The following DLGAP2 variants were observed in gnomAD, a reference collection of about 807,000 sequenced individuals.
The protein encoded by DLGAP2 is disks large-associated protein 2.
DLGAP2 carries 26 observed loss-of-function variants against 100.3 expected under a neutral mutation model. That is an observed-to-expected ratio of 0.26 (90% confidence interval 0.19 to 0.36). The LOEUF is 0.36. DLGAP2 is among the 10% of genes least tolerant of loss of function. DLGAP2 has a pLI of 1.00. For missense variants in DLGAP2, 1,858 were observed against 1,453.2 expected, an observed-to-expected ratio of 1.28 and a Z score of -4.53; for synonymous variants, 886 against 630.1, an observed-to-expected ratio of 1.41 and a Z score of -6.08.
At chr8:789,125 T>C (rs902780602) in intron 1 of DLGAP2, among the ~76,000 whole-genome samples, 1 of 152,230 alleles carries the variant, frequency 6.6e-6, no homozygotes, top group Admixed American at 6.5e-5. Context: ...AAATATTTTC[T>C]CCCTGTCTAG....
chr8:1,676,344 C>T (rs561498142), intron 10 of DLGAP2, among the ~76,000 whole-genome samples, 189 bp from the exon 11 acceptor site: 8 of 152,288 alleles, frequency 5.3e-5, no homozygotes, highest in Middle Eastern at 3.4e-3. Context: ...TGTGATGAGA[C>T]GCAGGAGTGA....
rs1222206392 is a variant in DLGAP2 at position 1,448,244 on chromosome 8, A to C, written c.107-53122A>C. Among the ~76,000 whole-genome samples, 3 of 151,678 alleles carry C rather than the reference A, an allele frequency of 2.0e-5. No homozygotes were observed. The East Asian group carries it at 5.8e-4, about 29-fold the overall frequency. ...CATTTAGTGCGGTAAATTTCCCTCT[A>C]CACACTGCTTTGAATGTGTCCCAGA... On this transcript the variant is annotated intron_variant, in intron 3 of 14. Transcript: ENST00000637795.
At chr8:769,627 C>A (rs536740969) in intron 1 of DLGAP2, among the ~76,000 whole-genome samples, 1 of 152,050 alleles carries the variant, frequency 6.6e-6, no homozygotes, top group African/African-American at 2.4e-5. Flanking sequence ...TCTGTGGTGA[C>A]GTGTTGGGAT....
At chr8:943,491 G>A (rs1462021018) in intron 2 of DLGAP2, among the ~76,000 whole-genome samples, 2 of 152,236 alleles carry the variant, frequency 1.3e-5, no homozygotes, top group African/African-American at 2.4e-5. Context: ...CGGCCATCCC[G>A]CCACAAGCAC....
At chr8:1,468,415 G>T (rs1798688364) in intron 3 of DLGAP2, among the ~76,000 whole-genome samples, 1 of 151,490 alleles carries the variant, frequency 6.6e-6, no homozygotes, top group African/African-American at 2.4e-5. Context: ...CGTGGATCCG[G>T]GCTGGTCCTG....
At chr8:1,293,681 G>A (rs1800108432) in intron 3 of DLGAP2, among the ~76,000 whole-genome samples, 2 of 152,154 alleles carry the variant, frequency 1.3e-5, no homozygotes, top group African/African-American at 4.8e-5. Flanking sequence ...TCAGAAGTCA[G>A]AGGAACAGTG....
chr8:1,619,277 C>G (rs1266721770), intron 6 of DLGAP2, among the ~76,000 whole-genome samples: 6 of 152,302 alleles, frequency 3.9e-5, no homozygotes, highest in Non-Finnish European at 8.8e-5. Context: ...TTGGGATACA[C>G]TTCAATTTCA....
At chr8:804,707 G>A (rs1293140493) in intron 1 of DLGAP2, among the ~76,000 whole-genome samples, 1 of 152,152 alleles carries the variant, frequency 6.6e-6, no homozygotes, top group Non-Finnish European at 1.5e-5. Flanking sequence ...TTTTGATCCA[G>A]CTTAAGTCTT....
chr8:879,283 G>C (rs564074753), intron 1 of DLGAP2, among the ~76,000 whole-genome samples: 1 of 152,186 alleles, frequency 6.6e-6, no homozygotes, highest in Non-Finnish European at 1.5e-5. Context: ...GCAATAATTT[G>C]TGAAGACCAT....
chr8:742,226 A>G (rs1820504888), intron 1 of DLGAP2, among the ~76,000 whole-genome samples: 1 of 152,214 alleles, frequency 6.6e-6, no homozygotes. Context: ...CTTATATGGT[A>G]CATCGTGTGT....
rs546143104 is a variant in DLGAP2 at position 1,501,835 on chromosome 8, A to T, written c.172+404A>T. ...CTCATCTCTCCAGCTGGCCCCACAC[A>T]CTGGGGTCTGGATGCTGAGTATGAC... On this transcript the variant is annotated intron_variant, in intron 4 of 14. Transcript: ENST00000637795. 5.3e-5 allele frequency among the ~76,000 whole-genome samples: 8 copies of T among 152,214 alleles called. No individual in the cohort carries two copies. In the East Asian group the frequency reaches 1.5e-3, roughly 29 times the overall value.
intron 1 of DLGAP2, among the ~76,000 whole-genome samples, chr8:859,194 C>T (rs1001248910): frequency 6.6e-6 from 1 of 151,756 alleles, no homozygotes; most frequent in Non-Finnish European, 1.5e-5. Context: ...TCACTGCAAC[C>T]TCCACCTCCT....
At chr8:1,485,772 C>T (rs1799220806) in intron 3 of DLGAP2, among the ~76,000 whole-genome samples, 1 of 152,210 alleles carries the variant, frequency 6.6e-6, no homozygotes, top group African/African-American at 2.4e-5. Context: ...TGCTTGTAAT[C>T]CCAGCACTTT....
intron 2 of DLGAP2, among the ~76,000 whole-genome samples, chr8:1,082,333 T>C (rs1321366843): frequency 6.6e-6 from 1 of 152,218 alleles, no homozygotes; most frequent in African/African-American, 2.4e-5. Context: ...TTTTACCCCG[T>C]TGAGTCTTCC....
chr8:1,231,115 G>A (rs1798525864), intron 2 of DLGAP2, among the ~76,000 whole-genome samples: 1 of 152,176 alleles, frequency 6.6e-6, no homozygotes, highest in African/African-American at 2.4e-5. Context: ...CTAATACACA[G>A]AATCTATAAG....
intron 1 of DLGAP2, among the ~76,000 whole-genome samples, chr8:839,682 C>G (rs1018323102): frequency 6.6e-6 from 1 of 152,168 alleles, no homozygotes; most frequent in Non-Finnish European, 1.5e-5. Context: ...GTGCCTCGTC[C>G]TGGTCAGCAC....
chr8:1,551,314 C>G (rs571247489), intron 5 of DLGAP2, among the ~76,000 whole-genome samples: 1 of 152,322 alleles, frequency 6.6e-6, no homozygotes, highest in East Asian at 1.9e-4. Context: ...TCCTCATTGT[C>G]ACAGACACAT....
intron 8 of DLGAP2, among the ~76,000 whole-genome samples, chr8:1,653,079 C>T (rs1311332401): frequency 6.6e-6 from 1 of 152,206 alleles, no homozygotes; most frequent in African/African-American, 2.4e-5. Context: ...ATTTGAAACA[C>T]ATCTATTTCG....
intron 3 of DLGAP2, among the ~76,000 whole-genome samples, chr8:1,422,162 G>A (rs186764336): frequency 2.0e-5 from 3 of 152,254 alleles, no homozygotes; most frequent in Non-Finnish European, 2.9e-5. Context: ...TGGCTGAGTC[G>A]CGAGGATGTT....
Sources: gnomAD v4.1 joint callset for allele counts (sites outside exome capture counted in the v4.1 genomes callset) on GRCh38, gnomAD v4.1.1 for gene constraint, MANE v1.5 for transcripts, NCBI Gene and HGNC (gene_info 2026-07-23, HGNC 2026-07-21) for gene names.